The following GDAP1 variants were observed in gnomAD, a reference collection of about 807,000 sequenced individuals.
GDAP1 encodes ganglioside-induced differentiation-associated protein 1.
Under a neutral mutation model 40.1 loss-of-function variants are expected in GDAP1, and 34 were observed. The observed-to-expected ratio is 0.85, with a 90% CI of 0.64 to 1.13. The LOEUF (loss-of-function observed/expected upper bound fraction) is 1.13, where lower values mean the gene tolerates loss of function less well. Ranked by LOEUF, GDAP1 falls within the 50% of genes most tolerant of loss-of-function variation. The probability of loss-of-function intolerance (pLI) is 0.00; values close to 1 mark genes in which losing one functional copy is unlikely to be tolerated. For missense variants in GDAP1, 374 were observed against 433.7 expected (o/e 0.86, Z 1.22); for synonymous variants, 170 against 157.4 (o/e 1.08, Z -0.60).
At chr8:74,480,276 T>C (rs904211331) in intron 2 of GDAP1, among the ~76,000 whole-genome samples, 7 of 152,110 alleles carry the variant, frequency 4.6e-5, no homozygotes, top group Non-Finnish European at 7.4e-5. Context: ...TGTGAGCCAC[T>C]GCGCCCGGCC....
chr8:74,458,433 T>C (rs1460869325), intron 2 of GDAP1, among the ~76,000 whole-genome samples: 5 of 152,180 alleles, frequency 3.3e-5, no homozygotes, highest in Non-Finnish European at 7.4e-5. Context: ...CCCACTTACA[T>C]GGATACACTT....
chr8:74,373,194 G>C lies in GDAP1; in HGVS notation c.165+21873G>C, dbSNP rs1285208626. On this transcript the variant is annotated intron_variant, in intron 2 of 2. Coordinates refer to the GDAP1 transcript ENST00000523640. ...ATAGTTTGAAGTCAGGTAGCATGAT[G>C]CCTCCAGCTTTGTTCTTTTGGCTTA... Among the ~76,000 whole-genome samples the C allele has an allele frequency of 2.0e-4, 31 of 152,252 alleles. No individual in the cohort carries two copies. In the South Asian group the frequency reaches 6.2e-3, roughly 31 times the overall value.
chr8:74,485,098 A>T (rs1806760137), intron 2 of GDAP1, among the ~76,000 whole-genome samples: 1 of 152,022 alleles, frequency 6.6e-6, no homozygotes, highest in Non-Finnish European at 1.5e-5. Flanking sequence ...TTAATATGTA[A>T]TTTTTTTTAT....
intron 2 of GDAP1, among the ~76,000 whole-genome samples, chr8:74,386,887 A>G (rs1278973858): frequency 6.6e-6 from 1 of 152,140 alleles, no homozygotes; most frequent in African/African-American, 2.4e-5. Flanking sequence ...TTCTCCTTGA[A>G]GAGGTCCTTC....
intron 2 of GDAP1, among the ~76,000 whole-genome samples, chr8:74,450,433 G>A (rs1432847011): frequency 6.6e-6 from 1 of 151,770 alleles, no homozygotes; most frequent in Non-Finnish European, 1.5e-5. Flanking sequence ...TGAAGGAGAT[G>A]TATTAAAATA....
intron 2 of GDAP1, among the ~76,000 whole-genome samples, chr8:74,357,344 A>G (rs906437813): frequency 6.6e-6 from 1 of 152,138 alleles, no homozygotes. Flanking sequence ...TTAAGCCCCT[A>G]ATTTCTTTTT....
At chr8:74,438,233 G>A (rs369345945) in intron 2 of GDAP1, among the ~76,000 whole-genome samples, 33 of 152,076 alleles carry the variant, frequency 2.2e-4, no homozygotes, top group African/African-American at 7.5e-4. Context: ...TCACACCACC[G>A]CACTCCAGCC....
chr8:74,395,903 A>C (rs1054232473), intron 2 of GDAP1, among the ~76,000 whole-genome samples: 1 of 152,220 alleles, frequency 6.6e-6, no homozygotes, highest in African/African-American at 2.4e-5. Context: ...TAAAGTCAAG[A>C]TGTAAGGCAG....
chr8:74,475,202 T>C (rs1806613526), intron 2 of GDAP1, among the ~76,000 whole-genome samples: 2 of 152,084 alleles, frequency 1.3e-5, no homozygotes. Flanking sequence ...GCAGTCTATC[T>C]ATCTTATTAT....
intron 2 of GDAP1, among the ~76,000 whole-genome samples, chr8:74,388,312 G>A (rs189846858): frequency 1.1e-3 from 161 of 152,092 alleles, no homozygotes; most frequent in African/African-American, 3.6e-3. Flanking sequence ...TAATGTGGGC[G>A]TTTAGTGCTA....
intron 2 of GDAP1, among the ~76,000 whole-genome samples, chr8:74,397,787 T>C (rs904709564): frequency 3.9e-5 from 6 of 152,130 alleles, no homozygotes; most frequent in African/African-American, 1.2e-4. Context: ...GATCAGGTAG[T>C]GTGATGCCTC....
chr8:74,405,107 G>A (rs1392538889), intron 2 of GDAP1, among the ~76,000 whole-genome samples: 1 of 150,066 alleles, frequency 6.7e-6, no homozygotes, highest in Non-Finnish European at 1.5e-5. Flanking sequence ...TCGCTGAGGA[G>A]GCCTCACAGT....
chr8:74,438,115 C>CA (rs1218413883), intron 2 of GDAP1, among the ~76,000 whole-genome samples: 1 of 151,906 alleles, frequency 6.6e-6, no homozygotes, highest in Non-Finnish European at 1.5e-5. Context: ...CTAAAAAATA[C>CA]AAAAATTAGT....
intron 2 of GDAP1, among the ~76,000 whole-genome samples, chr8:74,371,922 C>G (rs567354824): frequency 6.7e-6 from 1 of 149,264 alleles, no homozygotes; most frequent in Non-Finnish European, 1.5e-5. Flanking sequence ...ACCCCTCCCC[C>G]CCCACCCCAT....
rs746264997 is a variant in GDAP1 at position 74,365,594 on chromosome 8, G to C, written c.*1227G>C. Reference sequence around the variant, plus strand: ...GTGTCTGGTGGGTAGCAGGCATAGAGATGATGTGCCGAGGTCCCAGTGAAC... The same window carrying C: ...GTGTCTGGTGGGTAGCAGGCATAGACATGATGTGCCGAGGTCCCAGTGAAC... On this transcript the variant is annotated 3_prime_UTR_variant, in exon 6 of 6. Transcript: ENST00000220822. 2.2e-6 allele frequency: 1 copy of C among 454,472 alleles called. No individual in the cohort carries two copies. The highest frequency in any genetic ancestry group is 7.0e-5 in the East Asian group (1 of 14,384). The allele number at this position is 454,472 out of a possible 1,614,324, so 28.2% of individuals were successfully genotyped here. A position where few individuals can be genotyped will look rare whatever the true frequency, so the allele number is the denominator to read the frequency against.
rs112788814 is a variant in GDAP1 at position 74,403,734 on chromosome 8, T to G, written c.165+52413T>G. Among the ~76,000 whole-genome samples, 696 of 150,210 alleles carry G rather than the reference T, an allele frequency of 4.6e-3. 68 individuals are homozygous for G. Among genetic ancestry groups the G allele is most frequent in the African/African-American group, 0.015 (597 of 39,532 alleles). ...TTTTACAGATCACTTGATAGAACAG[T>G]GAGGATGAACTGTAATCATTAGAAG... On this transcript the variant is annotated intron_variant, in intron 2 of 2. Coordinates refer to the GDAP1 transcript ENST00000523640.
chr8:74,353,918 A>G (rs1808988230), intron 2 of GDAP1, among the ~76,000 whole-genome samples: 2 of 152,190 alleles, frequency 1.3e-5, no homozygotes, highest in African/African-American at 4.8e-5. Context: ...GAAAGGAACC[A>G]ATTTAAGTTT....
At chr8:74,368,277 C>T (rs4373510), downstream of GDAP1, among the ~76,000 whole-genome samples, 151,353 of 152,308 alleles carry the variant, frequency 0.99, 75,208 homozygotes, top group East Asian at 1. Flanking sequence ...TGTATAAGTA[C>T]AGCTTTTGGT....
intron 2 of GDAP1, among the ~76,000 whole-genome samples, chr8:74,372,376 G>A (rs1436188278): frequency 1.3e-5 from 2 of 152,162 alleles, no homozygotes; most frequent in Non-Finnish European, 2.9e-5. Flanking sequence ...CCAGTTTGCA[G>A]TCCCACCAAC....
Sources: allele counts gnomAD v4.1 joint callset (sites outside exome capture counted in the v4.1 genomes callset), GRCh38; gene constraint gnomAD v4.1.1; transcripts MANE v1.5; gene names NCBI Gene and HGNC (gene_info 2026-07-23, HGNC 2026-07-21).